Variants in PARD3B observed in about 807,000 individuals in gnomAD.
PARD3B encodes par-3 family cell polarity regulator beta.
A neutral mutation model predicts 130.2 loss-of-function variants in PARD3B; 103 were observed. That is an observed-to-expected ratio of 0.79 (90% CI 0.67 to 0.93). PARD3B has a LOEUF of 0.93. Among genes scored for constraint, PARD3B ranks in the 40% least tolerant of loss-of-function variants. The probability of loss-of-function intolerance (pLI) is 0.00; values close to 1 mark genes in which losing one functional copy is unlikely to be tolerated. For synonymous variants in PARD3B, 583 were observed against 553.2 expected (o/e 1.05, Z -0.76); for missense variants, 1,609 against 1,499.2 (o/e 1.07, Z -1.21).
At chr2:204,820,875 A>G (rs994114528) in intron 2 of PARD3B, among the ~76,000 whole-genome samples, 1 of 152,082 alleles carries the variant, frequency 6.6e-6, no homozygotes, top group Admixed American at 6.6e-5. Context: ...CTAAAATCCT[A>G]GGACTCTTAA....
At chr2:204,811,812 T>TAAAAAAC (rs2042971153) in intron 2 of PARD3B, among the ~76,000 whole-genome samples, 1 of 151,308 alleles carries the variant, frequency 6.6e-6, no homozygotes, top group Non-Finnish European at 1.5e-5. Flanking sequence ...TCATCTACAT[T>TAAAAAAC]AAAAAACAAA....
intron 3 of PARD3B, among the ~76,000 whole-genome samples, chr2:205,027,713 G>A (rs1288708902): frequency 3.3e-5 from 5 of 151,980 alleles, no homozygotes; most frequent in African/African-American, 9.7e-5. Context: ...CATTTAAGTC[G>A]TTAGTCTTTT....
intron 16 of PARD3B, among the ~76,000 whole-genome samples, chr2:205,294,296 C>T (rs1254056904): frequency 2.0e-5 from 3 of 151,836 alleles, no homozygotes; most frequent in Non-Finnish European, 4.4e-5. Flanking sequence ...AGTTTAACCA[C>T]TAAGTTGAAC....
At chr2:205,079,542 G>T (rs181024254) in intron 4 of PARD3B, among the ~76,000 whole-genome samples, 56 of 152,252 alleles carry the variant, frequency 3.7e-4, no homozygotes, top group African/African-American at 1.1e-3. Flanking sequence ...AAGGCATTAA[G>T]CCATTCATGA....
At chr2:205,189,103 G>A (rs947111828) in intron 14 of PARD3B, among the ~76,000 whole-genome samples, 12 of 152,130 alleles carry the variant, frequency 7.9e-5, no homozygotes, top group African/African-American at 2.9e-4. Flanking sequence ...ATTATTAACA[G>A]TTTAGACAAC....
At chr2:205,380,457 A>ATT (rs1165096448) in intron 18 of PARD3B, among the ~76,000 whole-genome samples, 1 of 48,848 alleles carries the variant, frequency 2.0e-5, no homozygotes, top group Non-Finnish European at 3.4e-5. Context: ...ACATATATAT[A>ATT]ATATATAAAG....
At chr2:204,832,489 G>C (rs9636268) in intron 2 of PARD3B, among the ~76,000 whole-genome samples, 34,563 of 152,114 alleles carry the variant, frequency 0.23, 5,789 homozygotes, top group African/African-American at 0.47. Context: ...CACTGAACTT[G>C]ACACTGTGAG....
rs2053160612 is a variant in PARD3B at position 205,562,132 on chromosome 2, A to G, written c.3260+8729A>G. ...TTTAAGATGCCAAACAGCTGAGATC[A>G]GGGGGTTAATGCTACTGCCACCTCA... On this transcript the variant is annotated intron_variant, in intron 22 of 22. Coordinates refer to ENST00000406610, the MANE Select transcript of PARD3B (RefSeq NM_001302769.2). The surrounding 1 kb of genome is among the most constrained non-coding windows in gnomAD (Gnocchi z 5.4). 6.6e-6 allele frequency among the ~76,000 whole-genome samples: 1 copy of G among 152,230 alleles called. No homozygotes were observed. Among genetic ancestry groups the G allele is most frequent in the Non-Finnish European group, 1.5e-5 (1 of 68,024 alleles).
chr2:204,904,631 T>G (rs1298501609), intron 2 of PARD3B, among the ~76,000 whole-genome samples: 1 of 152,160 alleles, frequency 6.6e-6, no homozygotes, highest in Non-Finnish European at 1.5e-5. Flanking sequence ...CAGATTATAC[T>G]TATATATACA....
intron 1 of PARD3B, among the ~76,000 whole-genome samples, chr2:204,581,874 C>T (rs2032575234): frequency 6.6e-6 from 1 of 152,192 alleles, no homozygotes; most frequent in Non-Finnish European, 1.5e-5. Flanking sequence ...AAGTTCCAGT[C>T]CTACTCTGCT....
chr2:204,974,388 A>G (rs1691963441), intron 3 of PARD3B, among the ~76,000 whole-genome samples: 1 of 152,328 alleles, frequency 6.6e-6, no homozygotes, highest in South Asian at 2.1e-4. Flanking sequence ...CATAACACTT[A>G]TATTTGGTGT....
chr2:204,895,019 T>C (rs1395768879), intron 2 of PARD3B, among the ~76,000 whole-genome samples: 1 of 150,722 alleles, frequency 6.6e-6, no homozygotes, highest in Non-Finnish European at 1.5e-5. Context: ...TAGTAATAGA[T>C]TTTTTGAAAA....
chr2:205,128,623 G>A lies in PARD3B; in HGVS notation c.1434+2886G>A, dbSNP rs2125640016. Among the ~76,000 whole-genome samples, 1 of 152,256 alleles carries A rather than the reference G, an allele frequency of 6.6e-6. No individual in the cohort carries two copies. The highest frequency in any genetic ancestry group is 1.9e-4 in the East Asian group (1 of 5,172). Reference sequence around the variant, plus strand: ...GATTAAATGAGATAATACAGGCAAAGCTTGTAGCATAGTTTCTGGCTAATT... The same window carrying A: ...GATTAAATGAGATAATACAGGCAAAACTTGTAGCATAGTTTCTGGCTAATT... On this transcript the variant is annotated intron_variant, in intron 10 of 22. Coordinates refer to ENST00000406610, the MANE Select transcript of PARD3B (RefSeq NM_001302769.2). The surrounding 1 kb of genome is among the most constrained non-coding windows in gnomAD (Gnocchi z 4.5).
chr2:205,488,493 G>A (rs1186185074), intron 20 of PARD3B, among the ~76,000 whole-genome samples: 1 of 152,076 alleles, frequency 6.6e-6, no homozygotes, highest in Non-Finnish European at 1.5e-5. Context: ...CTGGGGGTTG[G>A]TGACCTCTGC....
chr2:205,043,156 G>T (rs1273352161), intron 3 of PARD3B, among the ~76,000 whole-genome samples: 1 of 151,934 alleles, frequency 6.6e-6, no homozygotes, highest in Non-Finnish European at 1.5e-5. Context: ...GATTCGTATT[G>T]TAAGGTTATA....
intron 2 of PARD3B, among the ~76,000 whole-genome samples, chr2:204,778,567 A>G (rs187967090): frequency 5.3e-4 from 81 of 152,196 alleles, no homozygotes; most frequent in African/African-American, 1.8e-3. Context: ...TATTGGATGG[A>G]TCTGAAATTT....
intron 2 of PARD3B, among the ~76,000 whole-genome samples, chr2:204,757,418 A>G (rs904543926): frequency 4.6e-5 from 7 of 152,072 alleles, no homozygotes; most frequent in African/African-American, 9.7e-5. Flanking sequence ...AACCTTGCCA[A>G]CATTCTTTTT....
intron 20 of PARD3B, among the ~76,000 whole-genome samples, chr2:205,489,898 A>G (rs1022225813): frequency 2.6e-5 from 4 of 152,146 alleles, no homozygotes; most frequent in Admixed American, 6.6e-5. Context: ...GCATTGCCCC[A>G]AGTGATAAAG....
intron 13 of PARD3B, among the ~76,000 whole-genome samples, chr2:205,177,501 T>C (rs2035540550): frequency 1.3e-5 from 2 of 152,206 alleles, no homozygotes; most frequent in African/African-American, 4.8e-5. Flanking sequence ...CATTCAGTAG[T>C]TGCATAGTGT....
Sources: gnomAD v4.1 joint callset for allele counts (sites outside exome capture counted in the v4.1 genomes callset) on GRCh38, gnomAD v4.1.1 for gene constraint, Gnocchi (gnomAD v3.1) non-coding constraint, MANE v1.5 for transcripts, NCBI Gene and HGNC (gene_info 2026-07-23, HGNC 2026-07-21) for gene names.